HIP1: variants seen among roughly 807,000 people sequenced by gnomAD.
HIP1 encodes huntingtin interacting protein 1, also known as huntingtin-interacting protein 1.
HIP1 carries 65 observed loss-of-function variants against 147.6 expected under a neutral mutation model. The observed-to-expected ratio is 0.44, with a 90% CI of 0.36 to 0.54. HIP1 has a LOEUF of 0.54. HIP1 is among the 20% of genes least tolerant of loss of function. The probability of loss-of-function intolerance (pLI) is 0.00; values close to 1 mark genes in which losing one functional copy is unlikely to be tolerated. For missense variants in HIP1, 1,061 were observed against 1,299.6 expected, an observed-to-expected ratio of 0.82 and a Z score of 2.82; for synonymous variants, 479 against 504.0, an observed-to-expected ratio of 0.95 and a Z score of 0.67.
At chr7:75,708,993 G>C (rs1554519927) in intron 1 of HIP1, among the ~76,000 whole-genome samples, 1 of 150,098 alleles carries the variant, frequency 6.7e-6, no homozygotes, top group Non-Finnish European at 1.5e-5. Context: ...CATGGGATGT[G>C]TTTCCTTTTA....
intron 1 of HIP1, chr7:75,638,995 G>C (rs532101458): frequency 1.3e-6 from 1 of 759,178 alleles, no homozygotes; most frequent in African/African-American, 1.9e-5. Context: ...AAGGGAGGGC[G>C]CCAGGGCTGG....
Position 75,700,994 on chromosome 7 carries a change from C to G in HIP1, c.120+37807G>C, listed in dbSNP as rs958918178. 2.0e-5 allele frequency among the ~76,000 whole-genome samples: 3 copies of G among 152,168 alleles called. No individual in the cohort carries two copies. In the South Asian group the frequency reaches 6.2e-4, roughly 31 times the overall value. On this transcript the variant is annotated intron_variant, in intron 1 of 30. Transcript: ENST00000336926. ...TGCTGGGACTACAGGCGTGAGCCAC[C>G]ACACCCGGCCCCTGACCCGGTGAAA...
rs587706150 is a variant in HIP1 at position 75,537,705 on chromosome 7, A to G, written c.*467T>C. On this transcript the variant is annotated 3_prime_UTR_variant, in exon 31 of 31. Coordinates refer to ENST00000336926, the MANE Select transcript of HIP1 (RefSeq NM_005338.7). Reference sequence around the variant, plus strand: ...ATCCATCAGCCCTCTGATGCTCACAAGTTTGTGCAAATGATGAAACTGAAA... The same window carrying G: ...ATCCATCAGCCCTCTGATGCTCACAGGTTTGTGCAAATGATGAAACTGAAA... 4.0e-5 allele frequency: 10 copies of G among 250,830 alleles called. No homozygotes were observed. The South Asian group carries it at 1.1e-3, about 29-fold the overall frequency. 15.5% of individuals were successfully genotyped at this position (250,830 alleles called of 1,614,324 possible).
At chr7:75,587,066 G>A (rs1182259263) in intron 4 of HIP1, among the ~76,000 whole-genome samples, 5 of 152,038 alleles carry the variant, frequency 3.3e-5, no homozygotes, top group African/African-American at 7.2e-5. Flanking sequence ...TCAGCCTCCC[G>A]AGTAGCTGGG....
chr7:75,615,889 C>G (rs1415550076), intron 1 of HIP1, among the ~76,000 whole-genome samples: 2 of 151,858 alleles, frequency 1.3e-5, no homozygotes, highest in African/African-American at 4.8e-5. Context: ...AATTTGAGAC[C>G]AGCATGGTCA....
Position 75,557,657 on chromosome 7 carries a change from C to T in HIP1, c.1578G>A (p.Arg526=), listed in dbSNP as rs1554493669. The T allele has an allele frequency of 6.2e-7, 1 of 1,611,978 alleles. No individual in the cohort carries two copies. The highest frequency in any genetic ancestry group is 2.2e-5 in the East Asian group (1 of 44,864). Residue 526 remains arginine (R), a synonymous_variant, in exon 16 of 31, where the codon CGG becomes CGA. Transcript: ENST00000336926. ...SLERISDQGQ[R]KTQEQLEVLE... ...GAGTGCTCCTCGTCCCACTCACCTTCCGCTGGCCCTGGTCACTGATGCGCT... is the reference window on the plus strand; with the variant it reads ...GAGTGCTCCTCGTCCCACTCACCTTTCGCTGGCCCTGGTCACTGATGCGCT...
chr7:75,727,630 G>C (rs1801692789), intron 1 of HIP1, among the ~76,000 whole-genome samples: 1 of 151,988 alleles, frequency 6.6e-6, no homozygotes, highest in Non-Finnish European at 1.5e-5. Context: ...TGGATCACCT[G>C]AGGTCAGGAG....
intron 1 of HIP1, among the ~76,000 whole-genome samples, chr7:75,679,101 A>AT (rs1554516482): frequency 6.6e-6 from 1 of 151,754 alleles, no homozygotes; most frequent in African/African-American, 2.4e-5. Context: ...TCCAGCTATG[A>AT]CCCCCCTTCT....
chr7:75,670,813 G>A (rs1799710568), intron 1 of HIP1, among the ~76,000 whole-genome samples: 1 of 72,760 alleles, frequency 1.4e-5, no homozygotes, highest in African/African-American at 6.4e-5. Flanking sequence ...GTAGAGATAG[G>A]GTCTTGCTAT....
At chr7:75,663,629 T>C (rs541656801) in intron 1 of HIP1, among the ~76,000 whole-genome samples, 29 of 151,276 alleles carry the variant, frequency 1.9e-4, no homozygotes, top group African/African-American at 6.8e-4. Flanking sequence ...CTGGGATCAG[T>C]GAAGAGGGTA....
intron 1 of HIP1, among the ~76,000 whole-genome samples, chr7:75,628,486 T>G: frequency 6.7e-6 from 1 of 149,536 alleles, no homozygotes; most frequent in Non-Finnish European, 1.5e-5. Flanking sequence ...TTTTTTTTTT[T>G]TTTTTTTTTT....
chr7:75,637,987 CCCCCCCACACACACACAT>C (rs1306441726), intron 1 of HIP1, among the ~76,000 whole-genome samples: 3 of 53,118 alleles, frequency 5.6e-5, no homozygotes, highest in African/African-American at 3.0e-4. Flanking sequence ...ACCCCCCCCC[CCCCCCCACACACACACAT>C]ACACACACAC....
At chr7:75,653,286 CA>C (rs1423701721) in intron 1 of HIP1, among the ~76,000 whole-genome samples, 4 of 152,134 alleles carry the variant, frequency 2.6e-5, no homozygotes, top group African/African-American at 9.7e-5. Flanking sequence ...TCACACACGT[CA>C]AGCCTTAGGC....
At chr7:75,639,467 A>G (rs13226566) in intron 1 of HIP1, among the ~76,000 whole-genome samples, 73,617 of 151,094 alleles carry the variant, frequency 0.49, 18,649 homozygotes, top group African/African-American at 0.63. Context: ...CACGGCGAGG[A>G]TGTGATTTGA....
In HIP1 at chr7:75,688,380, C is replaced by T. The variant is rs928517871; in HGVS notation, c.120+50421G>A. On this transcript the variant is annotated intron_variant, in intron 1 of 30. Transcript: ENST00000336926. ...AGCCAAGGAAGAACGGCCGGGGGCGCGCCGGGTCCGGGCTCCCAGGGGAGT... is the reference window on the plus strand; with the variant it reads ...AGCCAAGGAAGAACGGCCGGGGGCGTGCCGGGTCCGGGCTCCCAGGGGAGT... 5.3e-5 allele frequency among the ~76,000 whole-genome samples: 8 copies of T among 151,844 alleles called. 1 individual carries two copies. The highest frequency in any genetic ancestry group is 1.3e-4 in the Admixed American group (2 of 15,244).
chr7:75,607,233 GTT>G (rs375132943), intron 1 of HIP1, among the ~76,000 whole-genome samples: 1 of 135,026 alleles, frequency 7.4e-6, no homozygotes, highest in Non-Finnish European at 1.6e-5. Flanking sequence ...TTTTTGTTTT[GTT>G]TTTTTTTTTT....
At chr7:75,571,528 C>T (rs1554496635) in intron 8 of HIP1, among the ~76,000 whole-genome samples, 1 of 152,168 alleles carries the variant, frequency 6.6e-6, no homozygotes, top group East Asian at 1.9e-4. Context: ...TAAAGAGATT[C>T]ATTACTTGTC....
In HIP1 at chr7:75,711,833, A is replaced by G. The variant is rs375118768; in HGVS notation, c.120+26968T>C. The stretch of plus-strand genomic sequence containing the variant: ...CCTTATCACCTGCTGCTTGTCAACC[A>G]GCACTTGGGAGAGAGAGGGCTCCTC... On this transcript the variant is annotated intron_variant, in intron 1 of 30. Transcript: ENST00000336926. 2.6e-5 allele frequency among the ~76,000 whole-genome samples: 4 copies of G among 152,258 alleles called. No individual in the cohort carries two copies. In the East Asian group the frequency reaches 7.7e-4, roughly 29 times the overall value.
At chr7:75,703,407 G>A in intron 1 of HIP1, among the ~76,000 whole-genome samples, 1 of 152,172 alleles carries the variant, frequency 6.6e-6, no homozygotes, top group South Asian at 2.1e-4. Context: ...ACTTCGGGAA[G>A]CCGAGGCAGG....
Sources: gnomAD v4.1 joint callset for allele counts (sites outside exome capture counted in the v4.1 genomes callset) on GRCh38, gnomAD v4.1.1 for gene constraint, MANE v1.5 for transcripts, NCBI Gene and HGNC (gene_info 2026-07-23, HGNC 2026-07-21) for gene names.